NLRP13: variants seen among roughly 807,000 people sequenced by gnomAD.
NLRP13 encodes the protein NACHT, LRR and PYD domains-containing protein 13.
NLRP13 carries 82 observed loss-of-function variants against 94.4 expected under a neutral mutation model. That is an observed-to-expected ratio of 0.87 (90% CI 0.73 to 1.04). The LOEUF (loss-of-function observed/expected upper bound fraction) is 1.04, where lower values mean the gene tolerates loss of function less well. NLRP13 is among the 50% of genes least tolerant of loss of function. The pLI is 0.00. For missense variants in NLRP13, 1,426 were observed against 1,230.8 expected (o/e 1.16, Z -2.37); for synonymous variants, 553 against 464.7 (o/e 1.19, Z -2.45).
At chr19:55,922,721 C>T (rs1986862591) in intron 4 of NLRP13, among the ~76,000 whole-genome samples, 1 of 152,192 alleles carries the variant, frequency 6.6e-6, no homozygotes, top group Non-Finnish European at 1.5e-5. Flanking sequence ...GACTCAGCAT[C>T]AATTTATATG....
At chr19:55,895,336 G>A (rs1985977316), downstream of NLRP13, among the ~76,000 whole-genome samples, 1 of 152,048 alleles carries the variant, frequency 6.6e-6, no homozygotes, top group Admixed American at 6.6e-5. Context: ...AACTGAGATT[G>A]CGCCACTGCA....
chr19:55,901,781 G>A (rs1401919983), intron 9 of NLRP13, among the ~76,000 whole-genome samples: 1 of 152,022 alleles, frequency 6.6e-6, no homozygotes, highest in African/African-American at 2.4e-5. Flanking sequence ...GCATGAATAC[G>A]ACTATGGGCT....
rs1165652653 is a variant in NLRP13 at position 55,912,541 on chromosome 19, T to A, written c.1276A>T (p.Met426Leu). 6.2e-7 allele frequency: 1 copy of A among 1,614,008 alleles called. No homozygotes were observed. Among genetic ancestry groups the A allele is most frequent in the African/African-American group, 1.3e-5 (1 of 74,934 alleles). Residue 426 changes from methionine (M) to leucine (L), a missense_variant, in exon 5 of 11, where the codon ATG (methionine) becomes TTG (leucine). By Grantham distance (15) the Met-to-Leu change is conservative. Transcript: ENST00000342929. Reference protein sequence around the residue: ...ETLFHSCSAPMVCWTVCSCLK... With the variant: ...ETLFHSCSAPLVCWTVCSCLK... ...CAGGAACATACGGTCCAACACACCA[T>A]GGGGGCACTGCAGGAATGAAAGAGA...
chr19:55,902,012 CAGAG>C lies in NLRP13; in HGVS notation c.2789+19_2789+22del, dbSNP rs760594653. On this transcript the variant is annotated intron_variant, in intron 9 of 10. Transcript: ENST00000342929. ...CATGGCTCTCCTCCATCTGCCAACT[CAGAG>C]GGAGCCAAGAAAACTTACTTCAGGC... The C allele has an allele frequency of 7.6e-5, 123 of 1,612,326 alleles. No homozygotes were observed. Among genetic ancestry groups the C allele is most frequent in the Non-Finnish European group, 9.8e-5 (116 of 1,178,962 alleles).
intron 4 of NLRP13, among the ~76,000 whole-genome samples, chr19:55,923,021 G>A (rs1986871871): frequency 6.6e-6 from 1 of 152,168 alleles, no homozygotes; most frequent in African/African-American, 2.4e-5. Context: ...TTTGGGGCTT[G>A]TATACATGCA....
intron 4 of NLRP13, among the ~76,000 whole-genome samples, chr19:55,915,945 T>C (rs1349150383): frequency 2.0e-5 from 3 of 152,188 alleles, no homozygotes; most frequent in African/African-American, 7.2e-5. Flanking sequence ...CTGGACTAGA[T>C]GTCAAACTAC....
Position 55,905,052 on chromosome 19 carries a change from G to A in NLRP13, c.2508C>T (p.Ser836=). 1 of 1,613,858 alleles carries A rather than the reference G, an allele frequency of 6.2e-7. No homozygotes were observed. The highest frequency in any genetic ancestry group is 8.5e-7 in the Non-Finnish European group (1 of 1,179,960). ...SCQDLALFLT[S]IQHVTRLCLG... is the part of the protein sequence containing the mutation. ...GGCACAATCGAGTTACGTGTTGGATGCTGGTGAGAAACAAGGCTAGGTCCT... is the reference window on the plus strand; with the variant it reads ...GGCACAATCGAGTTACGTGTTGGATACTGGTGAGAAACAAGGCTAGGTCCT... Residue 836 remains serine, a synonymous_variant, in exon 8 of 11, where the codon AGC becomes AGT. Transcript: ENST00000342929.
intron 2 of NLRP13, 132 bp from the exon 3 acceptor site, chr19:55,924,790 C>A: frequency 1.1e-6 from 1 of 874,074 alleles, no homozygotes; most frequent in Non-Finnish European, 1.9e-6. Context: ...AATCAGTATG[C>A]CCAGTTTACA....
chr19:55,892,378 TAC>T (rs887019606), downstream of NLRP13, among the ~76,000 whole-genome samples: 1 of 53,968 alleles, frequency 1.9e-5, no homozygotes, highest in African/African-American at 6.4e-5. Context: ...TATATGTATA[TAC>T]ACACACATAC....
chr19:55,900,542 C>T (rs908939589), intron 9 of NLRP13, among the ~76,000 whole-genome samples: 14 of 151,546 alleles, frequency 9.2e-5, no homozygotes, highest in African/African-American at 1.2e-4. Context: ...GAGGCCAAGG[C>T]GGGTGGATCA....
At chr19:55,900,554 G>A (rs750512014) in intron 9 of NLRP13, among the ~76,000 whole-genome samples, 1 of 151,694 alleles carries the variant, frequency 6.6e-6, no homozygotes, top group African/African-American at 2.4e-5. Flanking sequence ...GGTGGATCAC[G>A]AGGTCAGGAG....
chr19:55,908,887 T>A (rs1292882729), intron 6 of NLRP13, among the ~76,000 whole-genome samples: 5 of 152,158 alleles, frequency 3.3e-5, no homozygotes, highest in Non-Finnish European at 7.3e-5. Flanking sequence ...CCTAGTGACA[T>A]ACACTTGTAC....
chr19:55,931,963 C>T (rs1382602412), intron 1 of NLRP13, 30 bp downstream of exon 1: 2 of 1,604,034 alleles, frequency 1.2e-6, no homozygotes, highest in South Asian at 1.1e-5. Flanking sequence ...ACCAAGCAGC[C>T]CTCCCGCCTT....
chr19:55,920,611 T>C (rs901916018), intron 4 of NLRP13, among the ~76,000 whole-genome samples: 1 of 151,924 alleles, frequency 6.6e-6, no homozygotes, highest in African/African-American at 2.4e-5. Flanking sequence ...AAAACCCAAA[T>C]GTTGGCAAGG....
In NLRP13 at chr19:55,911,776, A is replaced by T. The variant is rs367597531; in HGVS notation, c.2041T>A (p.Cys681Ser). The T allele has an allele frequency of 1.2e-6, 2 of 1,613,904 alleles. No individual in the cohort carries two copies. The highest frequency in any genetic ancestry group is 1.3e-5 in the African/African-American group (1 of 74,942). ...AGCCTTAGCTTATTTAACCTTTTAC[A>T]GTGCTTTAGGCAAAATGAAGAAGCT... ...LQASSFCLKH[C>S]KRLNKLRLSV... The change falls in exon 5 of 11, where the codon TGT (cysteine) becomes AGT (serine). Residue 681 changes from cysteine (C) to serine (S), a missense_variant. Physicochemically the swap from Cys to Ser is moderately radical, Grantham distance 112 (BLOSUM62 -1). Coordinates refer to ENST00000342929, the MANE Select transcript of NLRP13 (RefSeq NM_176810.2).
intron 4 of NLRP13, among the ~76,000 whole-genome samples, chr19:55,923,024 T>C (rs1406678893): frequency 6.6e-6 from 1 of 152,230 alleles, no homozygotes; most frequent in African/African-American, 2.4e-5. Context: ...GGGGCTTGTA[T>C]ACATGCACAT....
Position 55,915,614 on chromosome 19 carries a change from A to C in NLRP13, c.524-2321T>G, listed in dbSNP as rs765800297. Among the ~76,000 whole-genome samples the C allele has an allele frequency of 5.4e-4, 82 of 152,230 alleles. No individual in the cohort carries two copies. The Middle Eastern group carries it at 0.017, about 32-fold the overall frequency. On this transcript the variant is annotated intron_variant, in intron 4 of 10. Coordinates refer to ENST00000342929, the MANE Select transcript of NLRP13 (RefSeq NM_176810.2). ...CTCTGTCTCAAAAACAAACAAAACA[A>C]ATAGATAATCACAATTCAAACAGAG...
downstream of NLRP13, chr19:55,891,828 T>C (rs1261494556): frequency 5.4e-6 from 2 of 367,732 alleles, no homozygotes; most frequent in African/African-American, 2.1e-5. Context: ...ACACTAGGAT[T>C]CCAGACCTGG....
At chr19:55,931,120 T>C (rs993454137) in intron 1 of NLRP13, among the ~76,000 whole-genome samples, 1 of 151,750 alleles carries the variant, frequency 6.6e-6, no homozygotes, top group African/African-American at 2.4e-5. Flanking sequence ...GCTTGTGAGT[T>C]TTTGTGAAGT....
Sources: gnomAD v4.1 joint callset for allele counts (sites outside exome capture counted in the v4.1 genomes callset) on GRCh38, gnomAD v4.1.1 for gene constraint, MANE v1.5 for transcripts, NCBI Gene and HGNC (gene_info 2026-07-23, HGNC 2026-07-21) for gene names.